KDM4B: variants seen among roughly 807,000 people sequenced by gnomAD.
KDM4B encodes the protein lysine-specific demethylase 4B.
In KDM4B, 32 loss-of-function variants were observed where a neutral mutation model predicts 125.2. The ratio of observed to expected loss-of-function variants is 0.26; its 90% CI spans 0.19 to 0.34. The LOEUF is 0.34. Ranked by LOEUF, KDM4B falls within the 10% of genes least tolerant of loss-of-function variation. KDM4B has a pLI of 1.00. For synonymous variants in KDM4B, 721 were observed against 677.9 expected (o/e 1.06, Z -0.99); for missense variants, 1,190 against 1,577.7 (o/e 0.75, Z 4.16).
At chr19:5,051,699 C>T (rs1319959541) in intron 6 of KDM4B, among the ~76,000 whole-genome samples, 1 of 152,226 alleles carries the variant, frequency 6.6e-6, no homozygotes, top group Non-Finnish European at 1.5e-5. Flanking sequence ...CTCTGCAGCT[C>T]CGCTTGTCAG....
chr19:5,066,707 C>A (rs569674001), intron 6 of KDM4B, among the ~76,000 whole-genome samples: 6 of 152,366 alleles, frequency 3.9e-5, no homozygotes, highest in African/African-American at 1.4e-4. Flanking sequence ...CTTCTGCGGC[C>A]AGCACCAGAC....
At chr19:4,978,950 G>A (rs1454631192) in intron 1 of KDM4B, among the ~76,000 whole-genome samples, 1 of 152,208 alleles carries the variant, frequency 6.6e-6, no homozygotes, top group Non-Finnish European at 1.5e-5. Flanking sequence ...TCTCCTGCCC[G>A]CAGGGCCTCT....
intron 11 of KDM4B, among the ~76,000 whole-genome samples, chr19:5,130,710 G>T (rs2039526866): frequency 6.6e-6 from 1 of 152,306 alleles, no homozygotes; most frequent in East Asian, 1.9e-4. Context: ...GGCCCACCCA[G>T]GTGGGAGCCC....
chr19:5,047,716 CGGGA>C, intron 6 of KDM4B, 47 bp downstream of exon 6: 1 of 1,578,546 alleles, frequency 6.3e-7, no homozygotes, highest in Non-Finnish European at 8.7e-7. Context: ...GAGAGCCCCT[CGGGA>C]GGGAGTCAAT....
intron 6 of KDM4B, among the ~76,000 whole-genome samples, chr19:5,067,445 C>G (rs1344765717): frequency 1.3e-5 from 2 of 152,226 alleles, no homozygotes. Context: ...TGGCCACACA[C>G]AGCCCCAGTC....
intron 21 of KDM4B, among the ~76,000 whole-genome samples, chr19:5,147,096 C>T (rs955617220): frequency 1.3e-5 from 2 of 150,990 alleles, no homozygotes; most frequent in African/African-American, 4.9e-5. Context: ...GACTGGACTC[C>T]GAGGAGGGGA....
intron 2 of KDM4B, among the ~76,000 whole-genome samples, chr19:5,025,608 C>T (rs1009936413): frequency 2.0e-5 from 3 of 152,216 alleles, no homozygotes; most frequent in South Asian, 2.1e-4. Context: ...TCCTTCCAGC[C>T]CAGCCCCCAG....
At position 5,047,472 on chromosome 19, in the gene KDM4B, A is replaced by G. The variant is rs35556519; in HGVS notation, c.433-4A>G. 3.2e-3 allele frequency: 5,100 copies of G among 1,598,600 alleles called. 13 individuals are homozygous for G. Among genetic ancestry groups the G allele is most frequent in the Middle Eastern group, 4.8e-3 (29 of 6,002 alleles). Reference sequence around the variant, plus strand: ...GTTGCCGACGCTGCTCTGCCGCCCCACAGGACGTGGCCCAGTGGAACATCG... The same window carrying G: ...GTTGCCGACGCTGCTCTGCCGCCCCGCAGGACGTGGCCCAGTGGAACATCG... On this transcript the variant is annotated splice_region_variant and splice_polypyrimidine_tract_variant and intron_variant, in intron 5 of 22. Coordinates refer to ENST00000159111, the MANE Select transcript of KDM4B (RefSeq NM_015015.3).
At chr19:5,072,640 C>T (rs2037983761) in intron 7 of KDM4B, among the ~76,000 whole-genome samples, 1 of 152,212 alleles carries the variant, frequency 6.6e-6, no homozygotes, top group East Asian at 1.9e-4. Flanking sequence ...AATTTGAAGA[C>T]ATAAGCTAAA....
chr19:4,999,856 T>G (rs1287905214), intron 1 of KDM4B, among the ~76,000 whole-genome samples: 1 of 127,942 alleles, frequency 7.8e-6, no homozygotes, highest in Non-Finnish European at 1.6e-5. Context: ...TATCCATCTA[T>G]CCATCCATCC....
At chr19:5,002,394 T>C (rs1280926190) in intron 1 of KDM4B, among the ~76,000 whole-genome samples, 2 of 150,860 alleles carry the variant, frequency 1.3e-5, no homozygotes, top group Non-Finnish European at 2.9e-5. Flanking sequence ...CTTTCTCCTT[T>C]CCTTTCCTTT....
intron 1 of KDM4B, among the ~76,000 whole-genome samples, chr19:4,990,624 T>C (rs1481123632): frequency 6.6e-6 from 1 of 152,190 alleles, no homozygotes; most frequent in Non-Finnish European, 1.5e-5. Context: ...CTGGGGGTAA[T>C]CCAGTGTCTC....
chr19:5,010,244 C>T (rs1158219757), intron 1 of KDM4B, among the ~76,000 whole-genome samples: 1 of 152,198 alleles, frequency 6.6e-6, no homozygotes, highest in Admixed American at 6.5e-5. Context: ...GGCTTTCAGA[C>T]GTTTTCTCAT....
At chr19:5,102,796 G>A (rs765663242) in intron 9 of KDM4B, among the ~76,000 whole-genome samples, 6 of 152,200 alleles carry the variant, frequency 3.9e-5, no homozygotes, top group East Asian at 1.9e-4. Context: ...CGCCCCTGAC[G>A]TCAGCATCTC....
At chr19:5,020,139 ATGTTGGTGTGCAGGTGTTG>A (rs2036062268) in intron 2 of KDM4B, among the ~76,000 whole-genome samples, 1 of 47,406 alleles carries the variant, frequency 2.1e-5, no homozygotes, top group East Asian at 5.0e-4. Flanking sequence ...GTTGGTGTGG[ATGTTGGTGTGCAGGTGTTG>A]GTGTGGATGT....
intron 8 of KDM4B, chr19:5,080,572 G>A (rs2038260568): frequency 6.6e-6 from 1 of 152,266 alleles, no homozygotes; most frequent in Non-Finnish European, 1.5e-5. Context: ...TGAGGAGGGC[G>A]CAGCTGCACG....
chr19:4,995,764 T>C (rs1325118680), intron 1 of KDM4B, among the ~76,000 whole-genome samples: 1 of 151,900 alleles, frequency 6.6e-6, no homozygotes, highest in Non-Finnish European at 1.5e-5. Flanking sequence ...TCCCTTTAAA[T>C]ACTCGTTGTT....
intron 11 of KDM4B, among the ~76,000 whole-genome samples, chr19:5,121,253 C>T (rs977688672): frequency 4.6e-5 from 7 of 152,070 alleles, no homozygotes; most frequent in South Asian, 2.1e-4. Flanking sequence ...GAGCAGAGGC[C>T]GGGGGTGAGT....
rs754117094 is a variant in KDM4B at position 5,131,295 on chromosome 19, A to G, written c.1535A>G (p.Glu512Gly). Reference protein sequence around the residue: ...LPAPLNVVPPEVPSEELEAKP... With the variant: ...LPAPLNVVPPGVPSEELEAKP... ...GCACCCCTTAATGTCGTGCCCCCTG[A>G]GGTGCCCAGTGAGGAGCTAGAGGCC... Residue 512 changes from glutamate to glycine, a missense_variant, in exon 12 of 23, where the codon GAG (glutamate) becomes GGG (glycine). Glu to Gly is a moderately conservative substitution (Grantham distance 98, BLOSUM62 -2). Transcript: ENST00000159111. 2 of 1,612,056 alleles carry G rather than the reference A, an allele frequency of 1.2e-6. No individual in the cohort carries two copies. Among genetic ancestry groups the G allele is most frequent in the East Asian group, 4.5e-5 (2 of 44,730 alleles).
Sources: gnomAD v4.1 joint callset for allele counts (sites outside exome capture counted in the v4.1 genomes callset) on GRCh38, gnomAD v4.1.1 for gene constraint, MANE v1.5 for transcripts, NCBI Gene and HGNC (gene_info 2026-07-23, HGNC 2026-07-21) for gene names.